The following TENM3 variants were observed in gnomAD, a reference collection of about 807,000 sequenced individuals.
The protein encoded by TENM3 is teneurin transmembrane protein 3.
TENM3 carries 63 observed loss-of-function variants against 255.1 expected under a neutral mutation model. The ratio of observed to expected loss-of-function variants is 0.25; its 90% CI spans 0.20 to 0.30. The LOEUF (loss-of-function observed/expected upper bound fraction) is 0.30, where lower values mean the gene tolerates loss of function less well. Among genes scored for constraint, TENM3 ranks in the 10% least tolerant of loss-of-function variants. The pLI is 1.00. For synonymous variants in TENM3, 1,306 were observed against 1,322.3 expected, an observed-to-expected ratio of 0.99 and a Z score of 0.27; for missense variants, 2,929 against 3,461.1, an observed-to-expected ratio of 0.85 and a Z score of 3.86.
the TENM3 span, among the ~76,000 whole-genome samples, chr4:181,546,859 TTTTG>T: frequency 1.3e-5 from 2 of 152,194 alleles, no homozygotes; most frequent in South Asian, 2.1e-4. Context: ...GTTTTTTTGT[TTTTG>T]TTTGTTGTGT....
the TENM3 span, among the ~76,000 whole-genome samples, chr4:181,936,586 G>A: frequency 7.2e-5 from 11 of 152,146 alleles, no homozygotes; most frequent in South Asian, 2.3e-3. Context: ...AGCCATCTGG[G>A]GGTGAACAAG....
chr4:182,618,687 A>G (rs992595262), intron 4 of TENM3, among the ~76,000 whole-genome samples: 3 of 152,096 alleles, frequency 2.0e-5, no homozygotes, highest in Non-Finnish European at 4.4e-5. Flanking sequence ...AGGAGACAGA[A>G]GTTTTGACTG....
At chr4:182,208,343 T>C (rs986701550) in intron 1 of TENM3, among the ~76,000 whole-genome samples, 25 of 152,324 alleles carry the variant, frequency 1.6e-4, no homozygotes, top group Middle Eastern at 3.4e-3. Flanking sequence ...GTTTCTCTCA[T>C]CTCAAGAGCA....
chr4:182,786,775 A>G (rs1429238540), intron 24 of TENM3, among the ~76,000 whole-genome samples: 1 of 152,098 alleles, frequency 6.6e-6, no homozygotes, highest in Admixed American at 6.5e-5. Context: ...CAATAATAAC[A>G]TGGCAGCACT....
the TENM3 span, among the ~76,000 whole-genome samples, chr4:181,661,866 A>G: frequency 5.9e-5 from 9 of 151,684 alleles, no homozygotes; most frequent in Non-Finnish European, 1.0e-4. Context: ...AAAGTCCAAA[A>G]GGTCCACATT....
the TENM3 span, among the ~76,000 whole-genome samples, chr4:181,597,013 C>A: frequency 6.6e-6 from 1 of 152,046 alleles, no homozygotes; most frequent in Non-Finnish European, 1.5e-5. Flanking sequence ...ACAGCAAACC[C>A]CATGATACAA....
chr4:181,643,502 C>A, the TENM3 span, among the ~76,000 whole-genome samples: 1 of 152,212 alleles, frequency 6.6e-6, no homozygotes, highest in Non-Finnish European at 1.5e-5. Context: ...TGCCTGATTG[C>A]CCTGGCCAGA....
chr4:182,203,217 CAAA>C (rs1165540899), intron 1 of TENM3, among the ~76,000 whole-genome samples: 1 of 130,788 alleles, frequency 7.6e-6, no homozygotes, highest in Admixed American at 7.7e-5. Context: ...AACTCCATCT[CAAA>C]AAAAAAAAAG....
At chr4:181,929,287 A>C in the TENM3 span, among the ~76,000 whole-genome samples, 1 of 152,136 alleles carries the variant, frequency 6.6e-6, no homozygotes, top group African/African-American at 2.4e-5. Context: ...GACCCATCTC[A>C]CATGTAAAGA....
At chr4:182,366,457 T>C (rs1766436755) in intron 3 of TENM3, among the ~76,000 whole-genome samples, 1 of 151,924 alleles carries the variant, frequency 6.6e-6, no homozygotes, top group Non-Finnish European at 1.5e-5. Flanking sequence ...TTCATCTGAA[T>C]TTTGTAATGT....
chr4:182,679,962 G>A (rs1009963083), intron 8 of TENM3, 86 bp downstream of exon 8: 37 of 1,226,204 alleles, frequency 3.0e-5, no homozygotes, highest in Non-Finnish European at 4.0e-5. Flanking sequence ...TACCAATTTG[G>A]GGTAATTCCT....
At chr4:181,616,198 A>G in the TENM3 span, among the ~76,000 whole-genome samples, 1 of 151,108 alleles carries the variant, frequency 6.6e-6, no homozygotes, top group Non-Finnish European at 1.5e-5. Flanking sequence ...CACAGGCTGA[A>G]AAGGGAATCA....
At chr4:182,259,023 G>A (rs1364377930) in intron 1 of TENM3, among the ~76,000 whole-genome samples, 1 of 152,206 alleles carries the variant, frequency 6.6e-6, no homozygotes, top group Non-Finnish European at 1.5e-5. Context: ...AGTAATTAGA[G>A]AAGGCAGATA....
the TENM3 span, among the ~76,000 whole-genome samples, chr4:181,462,877 T>A: frequency 6.6e-6 from 1 of 152,200 alleles, no homozygotes; most frequent in South Asian, 2.1e-4. Context: ...TCCTTAAGGG[T>A]AGGAACTGGC....
intron 1 of TENM3, among the ~76,000 whole-genome samples, chr4:182,192,733 G>T (rs903679274): frequency 3.9e-5 from 6 of 152,218 alleles, no homozygotes; most frequent in African/African-American, 1.2e-4. Flanking sequence ...CAAGATAAGT[G>T]TGGGGGATGC....
At chr4:182,475,251 A>T (rs1733562470) in intron 3 of TENM3, among the ~76,000 whole-genome samples, 1 of 152,170 alleles carries the variant, frequency 6.6e-6, no homozygotes. Flanking sequence ...GCCTATGCCT[A>T]AGTTGCCGTC....
chr4:182,263,972 C>G (rs914722180), intron 1 of TENM3, among the ~76,000 whole-genome samples: 8 of 152,182 alleles, frequency 5.3e-5, no homozygotes, highest in Non-Finnish European at 1.2e-4. Context: ...GCTTGGCCCC[C>G]AGGGCGATGG....
intron 3 of TENM3, among the ~76,000 whole-genome samples, chr4:182,548,407 A>G (rs1741664401): frequency 6.6e-6 from 1 of 152,130 alleles, no homozygotes; most frequent in South Asian, 2.1e-4. Flanking sequence ...ACGTCCATAC[A>G]TAGAACCCAG....
chr4:181,477,852 C>T, the TENM3 span, among the ~76,000 whole-genome samples: 1 of 152,094 alleles, frequency 6.6e-6, no homozygotes, highest in Non-Finnish European at 1.5e-5. Flanking sequence ...AGGAGAAAAA[C>T]AGGAGTCTAC....
Sources: allele counts gnomAD v4.1 joint callset (sites outside exome capture counted in the v4.1 genomes callset), GRCh38; gene constraint gnomAD v4.1.1; transcripts MANE v1.5; gene names NCBI Gene and HGNC (gene_info 2026-07-23, HGNC 2026-07-21).